The following ERCC3 variants were observed in gnomAD, a reference collection of about 807,000 sequenced individuals.
The protein encoded by ERCC3 is general transcription and DNA repair factor IIH helicase/translocase subunit XPB.
ERCC3 carries 66 observed loss-of-function variants against 94.2 expected under a neutral mutation model. The ratio of observed to expected loss-of-function variants is 0.70; its 90% confidence interval spans 0.57 to 0.86. The LOEUF (loss-of-function observed/expected upper bound fraction) is 0.86. ERCC3 is among the 40% of genes least tolerant of loss of function. ERCC3 has a pLI of 0.00. For missense variants in ERCC3, 829 were observed against 987.1 expected (o/e 0.84, Z 2.15); for synonymous variants, 349 against 369.1 (o/e 0.95, Z 0.63).
chr2:127,269,531 C>T (rs917101241), intron 12 of ERCC3, among the ~76,000 whole-genome samples: 15 of 150,290 alleles, frequency 1.0e-4, no homozygotes, highest in Admixed American at 2.0e-4. Flanking sequence ...ACGCCATTCT[C>T]CTGCCTCAGC....
intron 2 of ERCC3, 64 bp from the exon 3 acceptor site, chr2:127,292,910 T>C: frequency 9.9e-7 from 1 of 1,007,444 alleles, no homozygotes; most frequent in Non-Finnish European, 1.6e-6. Context: ...ACTGGGCTCT[T>C]GCCCATATCA....
chr2:127,281,405 C>T (rs921694004), intron 8 of ERCC3, among the ~76,000 whole-genome samples: 1 of 152,160 alleles, frequency 6.6e-6, no homozygotes, highest in African/African-American at 2.4e-5. Context: ...TTCTTCCTTT[C>T]TTTTGAACAT....
In ERCC3 at chr2:127,271,263, C is replaced by G; in HGVS notation, c.1945+73G>C. On this transcript the variant is annotated intron_variant, in intron 12 of 14. Transcript: ENST00000285398. This position sits in a 1 kb window ranked among gnomAD's most constrained non-coding sequence, Gnocchi z 5.0. ...CCCCAGGGCACATGGCAGCTCTCAC[C>G]CCTATCGTCTTCCTAACTAAAGTGG... The G allele has an allele frequency of 9.7e-7, 1 of 1,028,598 alleles. No homozygotes were observed. The allele number at this position is 1,028,598 out of a possible 1,614,324, so 63.7% of individuals were successfully genotyped here. A position where few individuals can be genotyped will look rare whatever the true frequency, so the allele number is the denominator to read the frequency against.
chr2:127,289,887 C>G (rs1280075777), intron 4 of ERCC3, 63 bp from the exon 5 acceptor site: 7 of 1,562,034 alleles, frequency 4.5e-6, no homozygotes, highest in Non-Finnish European at 6.2e-6. Context: ...GATTCCACTG[C>G]TCATTCAATT....
In ERCC3 at chr2:127,289,469, G is replaced by C; in HGVS notation, c.690C>G (p.Pro230=). 6.2e-7 allele frequency: 1 copy of C among 1,612,836 alleles called. No individual in the cohort carries two copies. Among genetic ancestry groups the C allele is most frequent in the Non-Finnish European group, 8.5e-7 (1 of 1,180,034 alleles). ...ISKTAESSGG[P]STSRVTDPQG... ...GTGGATCTGTCACTCGGGAAGTGGA[G>C]GGCCCACCACTGCTTTCAGCAGTCT... The change falls in exon 6 of 15, where the codon CCC becomes CCG. Residue 230 remains proline, a synonymous_variant. Transcript: ENST00000285398.
intron 12 of ERCC3, chr2:127,261,741 A>T (rs1684196359): frequency 7.3e-6 from 2 of 275,658 alleles, no homozygotes; most frequent in Non-Finnish European, 1.4e-5. Flanking sequence ...ACCATTAATC[A>T]CCAGGGAAAT....
In ERCC3 at chr2:127,286,758, C is replaced by G. The variant is rs1394793027; in HGVS notation, c.1287G>C (p.Trp429Cys). 1.2e-6 allele frequency: 2 copies of G among 1,614,126 alleles called. No individual in the cohort carries two copies. Among genetic ancestry groups the G allele is most frequent in the Non-Finnish European group, 1.7e-6 (2 of 1,180,012 alleles). The change falls in exon 8 of 15, where the codon TGG becomes TGC. Residue 429 changes from tryptophan to cysteine, a missense_variant. Coordinates refer to ENST00000285398, the MANE Select transcript of ERCC3 (RefSeq NM_000122.2). ...TGAGGCCCCACTCCTGGGTCTTGAG[C>G]CACTCCATGACTCGCTCGGCCTCCC... The part of the protein sequence containing the change: ...RSWEAERVME[W>C]LKTQEWGLMI...
At chr2:127,267,517 T>C (rs986699207) in intron 12 of ERCC3, among the ~76,000 whole-genome samples, 2 of 152,148 alleles carry the variant, frequency 1.3e-5, no homozygotes, top group African/African-American at 4.8e-5. Context: ...GAGAGGTCTC[T>C]TGAAGACAGC....
At position 127,288,675 on chromosome 2, in the gene ERCC3, T is replaced by C. The variant is rs1685161530; in HGVS notation, c.1012A>G (p.Ile338Val). The C allele has an allele frequency of 6.2e-7, 1 of 1,614,118 alleles. No homozygotes were observed. The part of the protein sequence containing the change: ...FGNGRARSGV[I>V]VLPCGAGKSL... Reference sequence around the variant, plus strand: ...TACCACTTACCGCAGGGAAGAACAATGACCCCCGAACGTGCACGCCCGTTT... The same window carrying C: ...TACCACTTACCGCAGGGAAGAACAACGACCCCCGAACGTGCACGCCCGTTT... Residue 338 changes from isoleucine (I) to valine (V), a missense_variant, in exon 7 of 15, where the codon ATT becomes GTT. Coordinates refer to ENST00000285398, the MANE Select transcript of ERCC3 (RefSeq NM_000122.2).
rs1317793092 is a variant in ERCC3, at chr2:127,280,026, G to A, written c.1527+421C>T. 6.6e-6 allele frequency among the ~76,000 whole-genome samples: 1 copy of A among 152,114 alleles called. No individual in the cohort carries two copies. Among genetic ancestry groups the A allele is most frequent in the Non-Finnish European group, 1.5e-5 (1 of 68,020 alleles). On this transcript the variant is annotated intron_variant, in intron 9 of 14. Coordinates refer to ENST00000285398, the MANE Select transcript of ERCC3 (RefSeq NM_000122.2). This position sits in a 1 kb window ranked among gnomAD's most constrained non-coding sequence, Gnocchi z 6.3. ...CGAGTCAGCACTGCTACTGAGTACC[G>A]CCACCTCTTCACACACTTCCCAGCA...
rs531561069 is a variant in ERCC3, at chr2:127,293,675, A to C, written c.72T>G (p.Asp24Glu). 9.9e-6 allele frequency: 16 copies of C among 1,613,832 alleles called. No individual in the cohort carries two copies. In the Admixed American group the frequency reaches 2.7e-4, roughly 27 times the overall value. ...SRKRHYEDEE[D>E]DEEDAPGNDP... is the part of the protein sequence containing the mutation. ...CGTTCCCCGGGGCGTCCTCTTCATC[A>C]TCCTCTTCATCCTCATAGTGCCGCT... is the stretch of plus-strand genomic sequence containing the variant. The change falls in exon 2 of 15, where the codon GAT (aspartate) becomes GAG (glutamate). Residue 24 changes from aspartate to glutamate, a missense_variant. Transcript: ENST00000285398.
intron 12 of ERCC3, among the ~76,000 whole-genome samples, chr2:127,265,131 G>A (rs1378122924): frequency 6.6e-6 from 1 of 152,064 alleles, no homozygotes; most frequent in Non-Finnish European, 1.5e-5. Flanking sequence ...AGAGGTGTGA[G>A]CCACCATGCC....
Position 127,280,596 on chromosome 2 carries a change from C to T in ERCC3, c.1378G>A (p.Ala460Thr), listed in dbSNP as rs1413024779. 1 of 1,614,060 alleles carries T rather than the reference C, an allele frequency of 6.2e-7. No individual in the cohort carries two copies. Among genetic ancestry groups the T allele is most frequent in the African/African-American group, 1.3e-5 (1 of 74,926 alleles). Residue 460 changes from alanine (A) to threonine (T), a missense_variant, in exon 9 of 15, where the codon GCC becomes ACC. By Grantham distance (58) the Ala-to-Thr change is moderately conservative. Transcript: ENST00000285398. This position sits in a 1 kb window ranked among gnomAD's most constrained non-coding sequence, Gnocchi z 6.3. ...MFRRVLTIVQAHCKLGLTATL... is the reference protein window; with the variant it reads ...MFRRVLTIVQTHCKLGLTATL... ...GCAGTCAAACCCAGCTTACAGTGGGCCTGCACGATGGTGAGCACCCTTCGG... is the reference window on the plus strand; with the variant it reads ...GCAGTCAAACCCAGCTTACAGTGGGTCTGCACGATGGTGAGCACCCTTCGG...
At chr2:127,276,902 A>G (rs1684750685) in intron 10 of ERCC3, among the ~76,000 whole-genome samples, 1 of 152,220 alleles carries the variant, frequency 6.6e-6, no homozygotes, top group Admixed American at 6.5e-5. Context: ...TCAGACTGCC[A>G]AACTGCTGCA....
Position 127,271,211 on chromosome 2 carries a change from G to A in ERCC3, c.1945+125C>T. On this transcript the variant is annotated intron_variant, in intron 12 of 14. Transcript: ENST00000285398. This position sits in a 1 kb window ranked among gnomAD's most constrained non-coding sequence, Gnocchi z 5.0. Reference sequence around the variant, plus strand: ...ATAAGGATCTAGGTCTTTGCTTTGGGATTCTCTCCCTCCAGAGTCTATTTA... The same window carrying A: ...ATAAGGATCTAGGTCTTTGCTTTGGAATTCTCTCCCTCCAGAGTCTATTTA... 1.3e-6 allele frequency: 1 copy of A among 775,202 alleles called. No individual in the cohort carries two copies. The highest frequency in any genetic ancestry group is 1.4e-5 in the South Asian group (1 of 73,190). 48.0% of individuals were successfully genotyped at this position (775,202 alleles called of 1,614,324 possible).
intron 12 of ERCC3, among the ~76,000 whole-genome samples, chr2:127,265,450 GCT>G (rs1684324477): frequency 6.6e-6 from 1 of 151,460 alleles, no homozygotes; most frequent in African/African-American, 2.4e-5. Flanking sequence ...ACGGAGTCTC[GCT>G]CTGTCACCCA....
In ERCC3 at chr2:127,257,422, A is replaced by T; in HGVS notation, c.*174T>A. On this transcript the variant is annotated 3_prime_UTR_variant, in exon 15 of 15. Coordinates refer to ENST00000285398, the MANE Select transcript of ERCC3 (RefSeq NM_000122.2). This position sits in a 1 kb window ranked among gnomAD's most constrained non-coding sequence, Gnocchi z 5.4. Reference sequence around the variant, plus strand: ...AAAATATTGTCTCCTCCTCCTTTATAAAACCCTAGATGACCTATGAAGGCA... The same window carrying T: ...AAAATATTGTCTCCTCCTCCTTTATTAAACCCTAGATGACCTATGAAGGCA... The T allele has an allele frequency of 1.3e-6, 1 of 794,012 alleles. No individual in the cohort carries two copies. 49.2% of individuals were successfully genotyped at this position (794,012 alleles called of 1,614,324 possible).
chr2:127,270,048 A>AATCAATC (rs1558951537), intron 12 of ERCC3, among the ~76,000 whole-genome samples: 2 of 136,010 alleles, frequency 1.5e-5, no homozygotes, highest in Admixed American at 7.8e-5. Flanking sequence ...ATCAATCAAT[A>AATCAATC]AAGGAGTTTT....
Position 127,261,179 on chromosome 2 carries a change from T to A in ERCC3, c.2064+49A>T, listed in dbSNP as rs374387933. On this transcript the variant is annotated intron_variant, in intron 13 of 14. Coordinates refer to ENST00000285398, the MANE Select transcript of ERCC3 (RefSeq NM_000122.2). ...CTCGCTTCTCCTGGAGGCCAGGGTA[T>A]CAAGAAGGCCTTGGTCCTAGTCTAA... 10 of 1,084,652 alleles carry A rather than the reference T, an allele frequency of 9.2e-6. No individual in the cohort carries two copies. The African/African-American group carries it at 1.4e-4, about 15-fold the overall frequency. The allele number at this position is 1,084,652 out of a possible 1,614,324, so 67.2% of individuals were successfully genotyped here. A position where few individuals can be genotyped will look rare whatever the true frequency, so the allele number is the denominator to read the frequency against.
Sources: gnomAD v4.1 joint callset for allele counts (sites outside exome capture counted in the v4.1 genomes callset) on GRCh38, gnomAD v4.1.1 for gene constraint, Gnocchi (gnomAD v3.1) non-coding constraint, MANE v1.5 for transcripts, NCBI Gene and HGNC (gene_info 2026-07-23, HGNC 2026-07-21) for gene names.